SMARCA4: variants seen among roughly 807,000 people sequenced by gnomAD.
SMARCA4 encodes SWI/SNF related BAF chromatin remodeling complex subunit ATPase 4, also known as SWI/SNF-related matrix-associated actin-dependent regulator of chromatin subfamily A member 4.
SMARCA4 carries 31 observed loss-of-function variants against 193.9 expected under a neutral mutation model. The observed-to-expected ratio is 0.16, with a 90% CI of 0.12 to 0.22. The LOEUF is 0.22. SMARCA4 is among the 10% of genes least tolerant of loss of function. The pLI, the probability that SMARCA4 is intolerant of heterozygous loss-of-function variation, is 1.00. For missense variants in SMARCA4, 1,148 were observed against 2,296.0 expected, an observed-to-expected ratio of 0.50 and a Z score of 10.22; for synonymous variants, 942 against 933.1, an observed-to-expected ratio of 1.01 and a Z score of -0.17.
At position 11,058,408 on chromosome 19, in the gene SMARCA4, A is replaced by T. The variant is rs1431301972; in HGVS notation, c.4533+45A>T. ...TGCGCCCCGCATGTGCCCGGAGGGGAGTCTGACCCAGGGGCACCCCCATCT... is the reference window on the plus strand; with the variant it reads ...TGCGCCCCGCATGTGCCCGGAGGGGTGTCTGACCCAGGGGCACCCCCATCT... On this transcript the variant is annotated intron_variant, in intron 31 of 34. Transcript: ENST00000344626. The surrounding 1 kb of genome is among the most constrained non-coding windows in gnomAD (Gnocchi z 5.8). 3.0e-6 allele frequency: 4 copies of T among 1,342,014 alleles called. No homozygotes were observed. The highest frequency in any genetic ancestry group is 4.3e-6 in the Non-Finnish European group (4 of 936,550). The allele number at this position is 1,342,014 out of a possible 1,614,324, so 83.1% of individuals were successfully genotyped here.
rs759594383 is a variant in SMARCA4, at chr19:10,985,400, C to T, written c.350C>T (p.Ser117Phe). The change falls in exon 3 of 35, where the codon TCC becomes TTC. Residue 117 changes from serine (S) to phenylalanine (F), a missense_variant. Ser to Phe is a radical substitution (Grantham distance 155). This residue lies in a region of SMARCA4 where 201 missense variants were observed against 248.3 expected (regional missense o/e 0.81). Transcript: ENST00000344626. This position sits in a 1 kb window ranked among gnomAD's most constrained non-coding sequence, Gnocchi z 4.5. ...GPPPSPMDQHSQGYPSPLGGS... is the reference protein window; with the variant it reads ...GPPPSPMDQHFQGYPSPLGGS... ...CCGCCCAGCCCCATGGACCAGCACT[C>T]CCAAGGTACAGAACTGCGTTCCTTC... The T allele has an allele frequency of 6.2e-7, 1 of 1,613,718 alleles. No individual in the cohort carries two copies.
intron 9 of SMARCA4, chr19:10,995,282 A>G (rs1314550149): frequency 3.4e-6 from 2 of 595,178 alleles, no homozygotes; most frequent in South Asian, 1.5e-5. Flanking sequence ...GTTCTGTGAG[A>G]GCCAGGTGGT....
chr19:11,030,959 G>A lies in SMARCA4; in HGVS notation c.3546+66G>A, dbSNP rs1448225502. 4.0e-6 allele frequency: 6 copies of A among 1,491,434 alleles called. No homozygotes were observed. The highest frequency in any genetic ancestry group is 3.7e-5 in the Admixed American group (2 of 53,796). 92.4% of individuals were successfully genotyped at this position (1,491,434 alleles called of 1,614,324 possible). On this transcript the variant is annotated intron_variant, in intron 25 of 34. Coordinates refer to ENST00000344626, the MANE Select transcript of SMARCA4 (RefSeq NM_003072.5). The surrounding 1 kb of genome is among the most constrained non-coding windows in gnomAD (Gnocchi z 5.5). ...GGTGCCTGCAAAACCTCGAGGAGAC[G>A]GCCCTGGCTTGAGGGTCCTCCAGCC...
rs1848854525 is a variant in SMARCA4 at position 11,034,027 on chromosome 19, C to T, written c.3874-96C>T. 4.3e-6 allele frequency: 4 copies of T among 923,936 alleles called. No homozygotes were observed. The highest frequency in any genetic ancestry group is 5.4e-6 in the Non-Finnish European group (3 of 555,228). 57.2% of individuals were successfully genotyped at this position (923,936 alleles called of 1,614,324 possible). On this transcript the variant is annotated intron_variant, in intron 27 of 34. Coordinates refer to ENST00000344626, the MANE Select transcript of SMARCA4 (RefSeq NM_003072.5). The surrounding 1 kb of genome is among the most constrained non-coding windows in gnomAD (Gnocchi z 7.0). The stretch of plus-strand genomic sequence containing the variant: ...TCCACCGCAGCCGTGCCGGGACCAC[C>T]AGCTCATTCCCACGGACGCCGCCGC...
At chr19:10,965,706 C>T (rs1032020567) in intron 1 of SMARCA4, among the ~76,000 whole-genome samples, 6 of 152,118 alleles carry the variant, frequency 3.9e-5, no homozygotes, top group Admixed American at 3.3e-4. Context: ...TACAGCATGT[C>T]ACTGTACCGA....
rs547268941 is a variant in SMARCA4, at chr19:10,987,787, A to C, written c.981A>C (p.Pro327=). ...CACCCGCCGCCTCGCCCGTGATGCCACCGCAGACCCAGTCCCCCGGGCAGC... is the reference window on the plus strand; with the variant it reads ...CACCCGCCGCCTCGCCCGTGATGCCCCCGCAGACCCAGTCCCCCGGGCAGC... ...AVPPAASPVM[P]PQTQSPGQPA... Residue 327 remains proline, a synonymous_variant, in exon 6 of 35, where the codon CCA becomes CCC. Transcript: ENST00000344626. The surrounding 1 kb of genome is among the most constrained non-coding windows in gnomAD (Gnocchi z 5.3). The C allele has an allele frequency of 2.9e-3, 4,609 of 1,599,206 alleles. 13 individuals carry two copies. The highest frequency in any genetic ancestry group is 3.9e-3 in the South Asian group (353 of 89,634).
At chr19:10,977,264 A>C (rs1244749318) in intron 1 of SMARCA4, among the ~76,000 whole-genome samples, 1 of 151,768 alleles carries the variant, frequency 6.6e-6, no homozygotes, top group Non-Finnish European at 1.5e-5. Flanking sequence ...GCGGGGCAGG[A>C]GTGTTACCTG....
intron 24 of SMARCA4, among the ~76,000 whole-genome samples, 178 bp downstream of exon 24, chr19:11,028,128 C>T (rs908342674): frequency 2.0e-5 from 3 of 152,190 alleles, no homozygotes; most frequent in African/African-American, 7.2e-5. Flanking sequence ...TGGGACAGGC[C>T]GTGGATTGGA....
intron 16 of SMARCA4, among the ~76,000 whole-genome samples, chr19:11,017,043 T>C (rs2089426509): frequency 6.6e-6 from 1 of 152,146 alleles, no homozygotes; most frequent in South Asian, 2.1e-4. Context: ...AGGAGATTCA[T>C]GTGCGCGTGC....
In SMARCA4 at chr19:11,034,639, G is replaced by A. The variant is rs536065243; in HGVS notation, c.3952-275G>A. On this transcript the variant is annotated intron_variant, in intron 28 of 34. Coordinates refer to ENST00000344626, the MANE Select transcript of SMARCA4 (RefSeq NM_003072.5). The surrounding 1 kb of genome is among the most constrained non-coding windows in gnomAD (Gnocchi z 7.0). ...CATGCCTCCACCAACGCTGGGCCAC[G>A]CAGCTGCTGCCCCCCTGCTGGGGTC... 2.6e-4 allele frequency among the ~76,000 whole-genome samples: 40 copies of A among 152,250 alleles called. 1 individual carries two copies. In the East Asian group the frequency reaches 6.4e-3, roughly 24 times the overall value.
Position 11,033,070 on chromosome 19 carries a change from C to A in SMARCA4, c.3547-220C>A. The A allele has an allele frequency of 1.6e-6, 1 of 628,780 alleles. No homozygotes were observed. Among genetic ancestry groups the A allele is most frequent in the Non-Finnish European group, 2.9e-6 (1 of 345,966 alleles). 39.0% of individuals were successfully genotyped at this position (628,780 alleles called of 1,614,324 possible). A position where few individuals can be genotyped will look rare whatever the true frequency, so the allele number is the denominator to read the frequency against. ...GGGGTCCCAATAAGGTAGAAGGTGG[C>A]ACTTCTGGAGGAACGTGATGAGAGT... On this transcript the variant is annotated intron_variant, in intron 25 of 34. Coordinates refer to ENST00000344626, the MANE Select transcript of SMARCA4 (RefSeq NM_003072.5). The surrounding 1 kb of genome is among the most constrained non-coding windows in gnomAD (Gnocchi z 9.8).
At chr19:11,021,994 T>G (rs756289207) in intron 19 of SMARCA4, 27 bp downstream of exon 19, 36 of 1,611,454 alleles carry the variant, frequency 2.2e-5, no homozygotes, top group Non-Finnish European at 2.9e-5. Flanking sequence ...GTGCCCATGC[T>G]GACGGTTCCA....
At chr19:10,978,146 C>T (rs1262551828) in intron 1 of SMARCA4, among the ~76,000 whole-genome samples, 2 of 152,178 alleles carry the variant, frequency 1.3e-5, no homozygotes, top group Non-Finnish European at 2.9e-5. Context: ...ACATCCTCAG[C>T]AGTTGTAAAT....
intron 1 of SMARCA4, among the ~76,000 whole-genome samples, chr19:10,978,797 A>G (rs999857802): frequency 2.0e-5 from 3 of 150,806 alleles, no homozygotes; most frequent in African/African-American, 4.9e-5. Context: ...ATATATATAT[A>G]TTTTAGCCAG....
At chr19:11,027,740 G>C (rs1314888630) in intron 23 of SMARCA4, 44 bp from the exon 24 acceptor site, 1 of 1,612,174 alleles carries the variant, frequency 6.2e-7, no homozygotes, top group Admixed American at 1.7e-5. Context: ...AGGGTTCCAG[G>C]TTTAACATCC....
In SMARCA4 at chr19:10,996,596, GTC is replaced by G. The variant is rs761569226; in HGVS notation, c.1812+54_1812+55del. On this transcript the variant is annotated intron_variant, in intron 11 of 34. Transcript: ENST00000344626. ...GTATCAAGCTAGCCCTAAGGCGTTG[GTC>G]TGTTTCAGACTTTAAAACCTGTGTT... The G allele has an allele frequency of 2.0e-6, 3 of 1,520,470 alleles. No individual in the cohort carries two copies. The South Asian group carries it at 3.4e-5, about 17-fold the overall frequency. 94.2% of individuals were successfully genotyped at this position (1,520,470 alleles called of 1,614,324 possible).
chr19:11,051,595 A>G (rs569259545), intron 30 of SMARCA4, among the ~76,000 whole-genome samples: 3 of 151,540 alleles, frequency 2.0e-5, no homozygotes, highest in African/African-American at 7.3e-5. Context: ...GGTTCAAGCA[A>G]TTCTCCTGTT....
At chr19:11,006,332 G>T (rs1012408693) in intron 13 of SMARCA4, among the ~76,000 whole-genome samples, 2 of 152,360 alleles carry the variant, frequency 1.3e-5, no homozygotes, top group South Asian at 2.1e-4. Flanking sequence ...AAACAAGTTC[G>T]TAGATAACTT....
chr19:11,025,016 G>T (rs1177449894), intron 21 of SMARCA4, among the ~76,000 whole-genome samples: 2 of 120,096 alleles, frequency 1.7e-5, no homozygotes, highest in Non-Finnish European at 3.2e-5. Flanking sequence ...TCCTCATCCT[G>T]GAGCCCAGGG....
Sources: gnomAD v4.1 joint callset for allele counts (sites outside exome capture counted in the v4.1 genomes callset) on GRCh38, gnomAD v4.1.1 for gene constraint, gnomAD v4.1.1 regional missense constraint, Gnocchi (gnomAD v3.1) non-coding constraint, MANE v1.5 for transcripts, NCBI Gene and HGNC (gene_info 2026-07-23, HGNC 2026-07-21) for gene names.